The following ANKFY1 variants were observed in gnomAD, a reference collection of about 807,000 sequenced individuals.
ANKFY1 encodes the protein ankyrin repeat and FYVE domain containing 1, also known as ankyrin repeat and FYVE domain-containing protein 1.
ANKFY1 carries 47 observed loss-of-function variants against 128.3 expected under a neutral mutation model. The observed-to-expected ratio is 0.37, with a 90% CI of 0.29 to 0.47. The LOEUF is 0.47. Ranked by LOEUF, ANKFY1 falls within the 20% of genes least tolerant of loss-of-function variation. ANKFY1 has a pLI of 1.00. For synonymous variants in ANKFY1, 553 were observed against 601.6 expected, an observed-to-expected ratio of 0.92 and a Z score of 1.18; for missense variants, 1,222 against 1,510.6, an observed-to-expected ratio of 0.81 and a Z score of 3.17.
intron 2 of ANKFY1, among the ~76,000 whole-genome samples, chr17:4,238,451 C>T (rs1598128422): frequency 6.6e-6 from 1 of 151,736 alleles, no homozygotes; most frequent in East Asian, 1.9e-4. Context: ...GAGTTTCAAT[C>T]TTCTTTAGAT....
At chr17:4,253,219 T>TCAACAACAA (rs577126406) in intron 1 of ANKFY1, among the ~76,000 whole-genome samples, 1 of 151,778 alleles carries the variant, frequency 6.6e-6, no homozygotes, top group East Asian at 1.9e-4. Flanking sequence ...AGACTCCATC[T>TCAACAACAA]CAACAACAAC....
In ANKFY1 at chr17:4,177,267, T is replaced by G; in HGVS notation, c.2634A>C (p.Ala878=). The change falls in exon 19 of 25, where the codon GCA becomes GCC. Residue 878 remains alanine, a synonymous_variant. Transcript: ENST00000341657. ...DNKGRNFLHV[A]VQNSDIESVL... is the part of the protein sequence containing the mutation. ...CACTTTCAATATCAGAGTTCTGAAC[T>G]GCCACATGAAGGAAATTCCGGCCCT... The G allele has an allele frequency of 6.3e-7, 1 of 1,596,208 alleles. No homozygotes were observed. Among genetic ancestry groups the G allele is most frequent in the Non-Finnish European group, 8.5e-7 (1 of 1,171,426 alleles).
At chr17:4,222,795 G>T in intron 3 of ANKFY1, 2 of 1,015,588 alleles carry the variant, frequency 2.0e-6, no homozygotes, top group South Asian at 2.5e-5. Context: ...GAAAAGGGTT[G>T]AACTGGATGA....
At chr17:4,168,892 A>G in intron 24 of ANKFY1, 1 of 354,504 alleles carries the variant, frequency 2.8e-6, no homozygotes, top group Non-Finnish European at 5.4e-6. Context: ...TGAGGGCAGT[A>G]GCTCATCTCA....
Position 4,180,070 on chromosome 17 carries a change from TG to T in ANKFY1, c.2241-194del, listed in dbSNP as rs999850673. On this transcript the variant is annotated intron_variant, in intron 16 of 24. Transcript: ENST00000341657. ...CCATAGATTCTTCTGTGACTGGTCTTGGGGGTGGGCAACCCGGGCATCAGAA... is the reference window on the plus strand; with the variant it reads ...CCATAGATTCTTCTGTGACTGGTCTTGGGGTGGGCAACCCGGGCATCAGAA... 5.5e-5 allele frequency: 37 copies of T among 668,558 alleles called. No individual in the cohort carries two copies. The Middle Eastern group carries it at 1.3e-3, about 23-fold the overall frequency. The allele number at this position is 668,558 out of a possible 1,614,324, so 41.4% of individuals were successfully genotyped here. A position where few individuals can be genotyped will look rare whatever the true frequency, so the allele number is the denominator to read the frequency against.
At chr17:4,187,488 A>T in intron 11 of ANKFY1, 1 of 383,720 alleles carries the variant, frequency 2.6e-6, no homozygotes, top group African/African-American at 2.1e-5. Context: ...TCCCCACAGG[A>T]TAAAGCCCAC....
At chr17:4,176,963 G>A (rs1214306022) in intron 19 of ANKFY1, among the ~76,000 whole-genome samples, 163 bp downstream of exon 19, 4 of 152,220 alleles carry the variant, frequency 2.6e-5, no homozygotes, top group South Asian at 2.1e-4. Flanking sequence ...CGCTCAGGAC[G>A]TGCAGCCCTT....
At chr17:4,226,742 C>CAA (rs35786963) in intron 3 of ANKFY1, among the ~76,000 whole-genome samples, 5 of 68,276 alleles carry the variant, frequency 7.3e-5, no homozygotes, top group African/African-American at 1.1e-4. Flanking sequence ...GACTCCATCT[C>CAA]AAAAAAAAAA....
intron 4 of ANKFY1, among the ~76,000 whole-genome samples, chr17:4,210,317 G>A (rs1424702551): frequency 6.6e-6 from 1 of 152,166 alleles, no homozygotes; most frequent in Non-Finnish European, 1.5e-5. Context: ...TAACTGTGTG[G>A]AACACCACTT....
chr17:4,213,734 C>T (rs974191474), intron 4 of ANKFY1, among the ~76,000 whole-genome samples: 1 of 152,048 alleles, frequency 6.6e-6, no homozygotes, highest in Non-Finnish European at 1.5e-5. Context: ...CCACCACGCC[C>T]AGCTAATTTT....
chr17:4,226,089 C>T (rs2060420056), intron 3 of ANKFY1, among the ~76,000 whole-genome samples: 1 of 152,112 alleles, frequency 6.6e-6, no homozygotes, highest in African/African-American at 2.4e-5. Flanking sequence ...ATAAAAGCAA[C>T]AATTCCTTAG....
chr17:4,201,081 A>T (rs1024221023), intron 7 of ANKFY1, among the ~76,000 whole-genome samples: 2 of 152,180 alleles, frequency 1.3e-5, no homozygotes, highest in Admixed American at 1.3e-4. Context: ...GTCAAGCTGG[A>T]GTGCAGTGGT....
rs2278524 is a variant in ANKFY1, at chr17:4,178,680, G to A, written c.2598+177C>T. On this transcript the variant is annotated intron_variant, in intron 18 of 24. Coordinates refer to ENST00000341657, the MANE Select transcript of ANKFY1 (RefSeq NM_001330063.2). This position sits in a 1 kb window ranked among gnomAD's most constrained non-coding sequence, Gnocchi z 4.1. ...CAGGCGCTGACACACAGGCAGAGGA[G>A]CCGGATCTCATCCTGCACGGATGGG... is the stretch of plus-strand genomic sequence containing the variant. The A allele has an allele frequency of 0.27, 174,934 of 653,612 alleles. 24,741 individuals carry two copies. Among genetic ancestry groups the A allele is most frequent in the Non-Finnish European group, 0.3 (114,290 of 379,736 alleles). 40.5% of individuals were successfully genotyped at this position (653,612 alleles called of 1,614,324 possible).
chr17:4,184,297 C>G (rs779680085), intron 12 of ANKFY1, among the ~76,000 whole-genome samples: 6 of 152,120 alleles, frequency 3.9e-5, no homozygotes, highest in Non-Finnish European at 8.8e-5. Context: ...TACCTAAAAC[C>G]CAACCTCCCT....
chr17:4,218,692 CAAAAT>C (rs2060259875), intron 3 of ANKFY1, among the ~76,000 whole-genome samples: 1 of 152,092 alleles, frequency 6.6e-6, no homozygotes, highest in Admixed American at 6.6e-5. Context: ...AAAAATTAAA[CAAAAT>C]AAAACCAAAA....
chr17:4,221,723 T>C (rs1472023271), intron 3 of ANKFY1, among the ~76,000 whole-genome samples: 1 of 152,148 alleles, frequency 6.6e-6, no homozygotes, highest in East Asian at 1.9e-4. Context: ...ATTCAAGCGA[T>C]TCTCCTGCCT....
At chr17:4,256,732 C>T (rs1968151946) in intron 1 of ANKFY1, among the ~76,000 whole-genome samples, 1 of 152,148 alleles carries the variant, frequency 6.6e-6, no homozygotes, top group Non-Finnish European at 1.5e-5. Context: ...TCTGCAAGTT[C>T]CATTAAGGTT....
intron 1 of ANKFY1, among the ~76,000 whole-genome samples, chr17:4,247,114 T>TA (rs113145218): frequency 0.02 from 2,665 of 135,042 alleles, 85 homozygotes; most frequent in African/African-American, 0.068. Flanking sequence ...GACCCTGTCT[T>TA]AAAAAAAAAA....
chr17:4,195,941 T>G (rs2059809898), intron 8 of ANKFY1, among the ~76,000 whole-genome samples: 3 of 151,640 alleles, frequency 2.0e-5, no homozygotes, highest in Non-Finnish European at 4.4e-5. Flanking sequence ...TCGGGAGCCC[T>G]GCAGGAGACT....
Sources: allele counts gnomAD v4.1 joint callset (sites outside exome capture counted in the v4.1 genomes callset), GRCh38; gene constraint gnomAD v4.1.1; non-coding constraint Gnocchi (gnomAD v3.1); transcripts MANE v1.5; gene names NCBI Gene and HGNC (gene_info 2026-07-23, HGNC 2026-07-21).